MYL10: variants seen among roughly 807,000 people sequenced by gnomAD.
MYL10 encodes the protein myosin regulatory light chain 10.
In MYL10, 18 loss-of-function variants were observed where a neutral mutation model predicts 21.9. The observed-to-expected ratio is 0.82, with a 90% CI of 0.57 to 1.22. The LOEUF (loss-of-function observed/expected upper bound fraction) is 1.22. MYL10 is among the 50% of genes most tolerant of loss of function. MYL10 has a pLI of 0.00. For synonymous variants in MYL10, 88 were observed against 82.8 expected, an observed-to-expected ratio of 1.06 and a Z score of -0.34; for missense variants, 225 against 230.4, an observed-to-expected ratio of 0.98 and a Z score of 0.15.
chr7:101,623,332 C>A (rs1236899252), intron 3 of MYL10, among the ~76,000 whole-genome samples: 1 of 152,162 alleles, frequency 6.6e-6, no homozygotes, highest in East Asian at 1.9e-4. Context: ...TACAGAGAGA[C>A]AAAGAGGCTG....
At chr7:101,614,471 G>T (rs1796585635) in intron 6 of MYL10, among the ~76,000 whole-genome samples, 1 of 152,250 alleles carries the variant, frequency 6.6e-6, no homozygotes, top group South Asian at 2.1e-4. Flanking sequence ...TGCAGCCACA[G>T]ATCCAGGTCC....
intron 6 of MYL10, among the ~76,000 whole-genome samples, chr7:101,614,232 T>G (rs966965562): frequency 1.3e-5 from 2 of 152,100 alleles, no homozygotes; most frequent in African/African-American, 4.8e-5. Flanking sequence ...GCAGGGTTCT[T>G]AAGGGAGCTC....
intron 5 of MYL10, 103 bp from the exon 6 acceptor site, chr7:101,616,401 G>A (rs1179254995): frequency 1.1e-5 from 9 of 843,466 alleles, no homozygotes; most frequent in African/African-American, 3.3e-5. Flanking sequence ...CAAGTCCCAC[G>A]GCCCCTGCAC....
At chr7:101,626,998 G>A (rs989099300) in intron 1 of MYL10, among the ~76,000 whole-genome samples, 1 of 152,118 alleles carries the variant, frequency 6.6e-6, no homozygotes, top group Admixed American at 6.5e-5. Flanking sequence ...CAAGGTCAAA[G>A]TTGAGAAATG....
chr7:101,621,652 G>A (rs1350716120), intron 5 of MYL10, among the ~76,000 whole-genome samples: 4 of 151,986 alleles, frequency 2.6e-5, no homozygotes, highest in South Asian at 2.1e-4. Context: ...GCAGTGGTGC[G>A]ATCTCGGCTC....
chr7:101,617,074 G>A (rs1034879716), intron 5 of MYL10, among the ~76,000 whole-genome samples: 6 of 152,244 alleles, frequency 3.9e-5, no homozygotes, highest in Non-Finnish European at 7.3e-5. Context: ...CACGGGCTGC[G>A]TGAATGACAG....
chr7:101,616,391 C>A, intron 5 of MYL10, 93 bp from the exon 6 acceptor site: 1 of 960,266 alleles, frequency 1.0e-6, no homozygotes, highest in South Asian at 1.4e-5. Context: ...GGGCTGGGGG[C>A]AAGTCCCACG....
At chr7:101,626,538 G>A (rs767358819) in intron 1 of MYL10, among the ~76,000 whole-genome samples, 5 of 152,234 alleles carry the variant, frequency 3.3e-5, no homozygotes, top group African/African-American at 4.8e-5. Flanking sequence ...GGGACAGCCA[G>A]ATTGATACCC....
intron 1 of MYL10, 39 bp from the exon 2 acceptor site, chr7:101,624,303 C>T (rs766724304): frequency 1.3e-6 from 2 of 1,530,552 alleles, no homozygotes; most frequent in Non-Finnish European, 1.8e-6. Context: ...CGGCCCCTGC[C>T]TCGAGGGTCA....
intron 4 of MYL10, among the ~76,000 whole-genome samples, 164 bp downstream of exon 4, chr7:101,622,833 C>T (rs905273174): frequency 1.3e-5 from 2 of 152,126 alleles, no homozygotes; most frequent in Admixed American, 6.5e-5. Context: ...TCCAACCCCC[C>T]AGGAAGGTCC....
chr7:101,623,595 T>G (rs1174512577), intron 3 of MYL10, among the ~76,000 whole-genome samples: 1 of 147,672 alleles, frequency 6.8e-6, no homozygotes, highest in Non-Finnish European at 1.5e-5. Context: ...CTCAGGAGGC[T>G]GAGGTGGGAG....
At chr7:101,625,539 C>T (rs1256013597) in intron 1 of MYL10, among the ~76,000 whole-genome samples, 1 of 151,938 alleles carries the variant, frequency 6.6e-6, no homozygotes, top group South Asian at 2.1e-4. Context: ...TCCCCCAACG[C>T]CTGTGTGGTC....
chr7:101,617,607 T>A (rs1796623401), intron 5 of MYL10, among the ~76,000 whole-genome samples: 1 of 151,764 alleles, frequency 6.6e-6, no homozygotes, highest in South Asian at 2.1e-4. Flanking sequence ...TCCACCATCA[T>A]ACTAAGTCAG....
chr7:101,620,167 C>CA (rs1796660501), intron 5 of MYL10, among the ~76,000 whole-genome samples: 1 of 152,000 alleles, frequency 6.6e-6, no homozygotes, highest in Non-Finnish European at 1.5e-5. Context: ...ACTAAAAATA[C>CA]AAAAAAATTT....
Position 101,622,155 on chromosome 7 carries a change from T to G in MYL10, c.395A>C (p.Glu132Ala). 2 of 1,613,100 alleles carry G rather than the reference T, an allele frequency of 1.2e-6. No individual in the cohort carries two copies. Among genetic ancestry groups the G allele is most frequent in the East Asian group, 4.5e-5 (2 of 44,762 alleles). ...KNEELEAMVK[E>A]APGPINFTVF... ...CGTGAAGTTGATGGGTCCGGGGGCCTCCTTCACCATGGCCTCCAGTTCCTC... is the reference window on the plus strand; with the variant it reads ...CGTGAAGTTGATGGGTCCGGGGGCCGCCTTCACCATGGCCTCCAGTTCCTC... The change falls in exon 5 of 8, where the codon GAG (glutamate) becomes GCG (alanine). Residue 132 changes from glutamate to alanine, a missense_variant. Glu to Ala is a moderately radical substitution (Grantham distance 107). Coordinates refer to ENST00000223167, the MANE Select transcript of MYL10 (RefSeq NM_138403.5).
intron 1 of MYL10, among the ~76,000 whole-genome samples, chr7:101,627,685 C>T (rs998059366): frequency 5.3e-5 from 8 of 152,244 alleles, no homozygotes; most frequent in East Asian, 1.9e-4. Flanking sequence ...GCAAATACCA[C>T]GGACGCAGGG....
chr7:101,621,268 G>A (rs943245113), intron 5 of MYL10, among the ~76,000 whole-genome samples: 13 of 152,088 alleles, frequency 8.5e-5, no homozygotes, highest in African/African-American at 2.7e-4. Flanking sequence ...GTTGCATCCC[G>A]GCCACTTTTT....
At chr7:101,622,883 C>A (rs1243688664) in intron 4 of MYL10, 114 bp downstream of exon 4, 2 of 901,466 alleles carry the variant, frequency 2.2e-6, no homozygotes, top group Non-Finnish European at 3.4e-6. Flanking sequence ...TTACCCTGTG[C>A]TCCCCAGCAC....
At position 101,624,249 on chromosome 7, in the gene MYL10, G is replaced by T. The variant is rs146674429; in HGVS notation, c.94C>A (p.Arg32=). The T allele has an allele frequency of 1.9e-6, 3 of 1,613,370 alleles. No homozygotes were observed. The highest frequency in any genetic ancestry group is 1.3e-5 in the African/African-American group (1 of 74,820). ...VLGLQAPRRA[R]KRAEGTASSN... is the part of the protein sequence containing the mutation. ...CTGGCGGTGCCTTCTGCTCTTTTCC[G>T]AGCTCTTCTCGGTGCCTGCGAGGTA... is the stretch of plus-strand genomic sequence containing the variant. The change falls in exon 2 of 8, where the codon CGG becomes AGG. Residue 32 remains arginine, a synonymous_variant. Coordinates refer to ENST00000223167, the MANE Select transcript of MYL10 (RefSeq NM_138403.5).
Sources: gnomAD v4.1 joint callset for allele counts (sites outside exome capture counted in the v4.1 genomes callset) on GRCh38, gnomAD v4.1.1 for gene constraint, MANE v1.5 for transcripts, NCBI Gene and HGNC (gene_info 2026-07-23, HGNC 2026-07-21) for gene names.